BACH2: variants seen among roughly 807,000 people sequenced by gnomAD.
The protein encoded by BACH2 is transcription regulator protein BACH2.
A neutral mutation model predicts 61.8 loss-of-function variants in BACH2; 5 were observed. That is an observed-to-expected ratio of 0.08 (90% CI 0.04 to 0.17). BACH2 has a LOEUF of 0.17. Among genes scored for constraint, BACH2 ranks in the 10% least tolerant of loss-of-function variants. BACH2 has a pLI of 1.00. For synonymous variants in BACH2, 446 were observed against 440.1 expected (o/e 1.01, Z -0.17); for missense variants, 824 against 1,091.1 (o/e 0.76, Z 3.45).
chr6:90,027,665 T>C (rs1354184382), intron 5 of BACH2, among the ~76,000 whole-genome samples: 1 of 152,180 alleles, frequency 6.6e-6, no homozygotes, highest in Non-Finnish European at 1.5e-5. Flanking sequence ...CTTCCATCCT[T>C]AGATAGAGGG....
chr6:89,989,169 C>G (rs889948462), intron 6 of BACH2, among the ~76,000 whole-genome samples: 1 of 152,152 alleles, frequency 6.6e-6, no homozygotes, highest in Non-Finnish European at 1.5e-5. Flanking sequence ...ACTCTTTTCA[C>G]AAATATTTCA....
At chr6:90,164,796 G>C (rs1212069333) in intron 4 of BACH2, among the ~76,000 whole-genome samples, 2 of 152,166 alleles carry the variant, frequency 1.3e-5, no homozygotes, top group Non-Finnish European at 2.9e-5. Flanking sequence ...CATATAAACA[G>C]AGCCAAAGAC....
In BACH2 at chr6:89,950,950, T is replaced by A. The variant is rs1584520239; in HGVS notation, c.1156A>T (p.Thr386Ser). ...TGTCCATAATTCCCTGTGAAAGGGG[T>A]GTAGTCAGTTTTAAGGTCACCCTGA... ...ITQGDLKTDY[T>S]PFTGNYGQPH... The change falls in exon 7 of 9, where the codon ACC becomes TCC. Residue 386 changes from threonine (T) to serine (S), a missense_variant. Transcript: ENST00000257749. The surrounding 1 kb of genome is among the most constrained non-coding windows in gnomAD (Gnocchi z 5.3). 1.3e-6 allele frequency: 2 copies of A among 1,571,842 alleles called. No individual in the cohort carries two copies. Among genetic ancestry groups the A allele is most frequent in the African/African-American group, 2.7e-5 (2 of 73,778 alleles).
chr6:90,245,043 A>G (rs1770586640), intron 3 of BACH2, among the ~76,000 whole-genome samples: 1 of 152,040 alleles, frequency 6.6e-6, no homozygotes, highest in African/African-American at 2.4e-5. Flanking sequence ...AAAACACACA[A>G]AAAATTAGCC....
At chr6:90,234,057 C>T (rs1317214368) in intron 3 of BACH2, among the ~76,000 whole-genome samples, 4 of 152,166 alleles carry the variant, frequency 2.6e-5, no homozygotes, top group Admixed American at 1.3e-4. Context: ...AGAACACTCT[C>T]GGCCCCTTAT....
At chr6:90,193,348 G>A (rs1768642552) in intron 4 of BACH2, among the ~76,000 whole-genome samples, 1 of 152,080 alleles carries the variant, frequency 6.6e-6, no homozygotes, top group African/African-American at 2.4e-5. Flanking sequence ...TATAAAAAGG[G>A]AAAATTTGGA....
At position 90,121,216 on chromosome 6, in the gene BACH2, G is replaced by A. The variant is rs139188114; in HGVS notation, c.-161-32107C>T. Reference sequence around the variant, plus strand: ...CACATCAAAAGATTGGCAAATAACTGTTCATTTGCAACTTTAGGTTAAATA... The same window carrying A: ...CACATCAAAAGATTGGCAAATAACTATTCATTTGCAACTTTAGGTTAAATA... On this transcript the variant is annotated intron_variant, in intron 4 of 8. Transcript: ENST00000257749. 2.3e-3 allele frequency among the ~76,000 whole-genome samples: 355 copies of A among 152,280 alleles called. 1 individual carries two copies. Among genetic ancestry groups the A allele is most frequent in the Non-Finnish European group, 4.2e-3 (283 of 68,016 alleles).
chr6:90,055,557 T>C (rs564590604), intron 5 of BACH2, among the ~76,000 whole-genome samples: 4 of 151,886 alleles, frequency 2.6e-5, no homozygotes, highest in Admixed American at 2.6e-4. Flanking sequence ...CTGCAGGATA[T>C]TATCCAGGAG....
chr6:89,933,933 C>T (rs752945999), intron 8 of BACH2, among the ~76,000 whole-genome samples: 31 of 151,938 alleles, frequency 2.0e-4, no homozygotes, highest in South Asian at 4.2e-4. Flanking sequence ...CTGCAGTGAG[C>T]GAGATGGTGC....
chr6:90,022,605 C>T (rs564991621), intron 5 of BACH2, among the ~76,000 whole-genome samples: 4 of 152,168 alleles, frequency 2.6e-5, no homozygotes, highest in South Asian at 4.1e-4. Flanking sequence ...AACGAATGAA[C>T]GAATTTAACC....
At chr6:90,170,522 T>C (rs1252937832) in intron 4 of BACH2, among the ~76,000 whole-genome samples, 1 of 152,204 alleles carries the variant, frequency 6.6e-6, no homozygotes, top group Non-Finnish European at 1.5e-5. Context: ...AATGAGTGAC[T>C]GATTCTTAAA....
At chr6:90,108,018 C>T (rs1783000982) in intron 4 of BACH2, among the ~76,000 whole-genome samples, 1 of 152,136 alleles carries the variant, frequency 6.6e-6, no homozygotes, top group Non-Finnish European at 1.5e-5. Context: ...ATTTCTCCTA[C>T]TGAGAACTAT....
At chr6:90,151,716 T>TG (rs1478181415) in intron 4 of BACH2, among the ~76,000 whole-genome samples, 1 of 152,224 alleles carries the variant, frequency 6.6e-6, no homozygotes, top group Non-Finnish European at 1.5e-5. Context: ...GCAGACACAG[T>TG]GGACACCAAC....
chr6:90,140,467 T>C (rs1784425395), intron 4 of BACH2, among the ~76,000 whole-genome samples: 1 of 152,198 alleles, frequency 6.6e-6, no homozygotes, highest in Non-Finnish European at 1.5e-5. Flanking sequence ...TCCATTGAAT[T>C]GAAGGAAAAT....
intron 4 of BACH2, among the ~76,000 whole-genome samples, chr6:90,136,097 C>T (rs757456968): frequency 6.6e-6 from 1 of 152,238 alleles, no homozygotes; most frequent in Non-Finnish European, 1.5e-5. Context: ...ATCACCTAGC[C>T]ACCAGGGTTC....
intron 6 of BACH2, among the ~76,000 whole-genome samples, chr6:89,991,385 G>A (rs1776547594): frequency 6.6e-6 from 1 of 152,162 alleles, no homozygotes; most frequent in Non-Finnish European, 1.5e-5. Flanking sequence ...GGAGGAACTA[G>A]ACTGTGTTAA....
chr6:90,074,999 C>T (rs1781409228), intron 5 of BACH2, among the ~76,000 whole-genome samples: 3 of 152,068 alleles, frequency 2.0e-5, no homozygotes, highest in Non-Finnish European at 4.4e-5. Context: ...TTGTTAAATC[C>T]CTTTGACCAG....
chr6:90,098,293 C>T (rs1349167216), intron 4 of BACH2, among the ~76,000 whole-genome samples: 1 of 152,038 alleles, frequency 6.6e-6, no homozygotes, highest in African/African-American at 2.4e-5. Flanking sequence ...CAACCCCCAC[C>T]CTTCCCTTCT....
At chr6:89,987,580 G>A (rs534019142) in intron 6 of BACH2, among the ~76,000 whole-genome samples, 7 of 152,306 alleles carry the variant, frequency 4.6e-5, no homozygotes, top group Admixed American at 3.3e-4. Context: ...GCCAGAGGGT[G>A]TAAACGGGAT....
Sources: allele counts gnomAD v4.1 joint callset (sites outside exome capture counted in the v4.1 genomes callset), GRCh38; gene constraint gnomAD v4.1.1; non-coding constraint Gnocchi (gnomAD v3.1); transcripts MANE v1.5; gene names NCBI Gene and HGNC (gene_info 2026-07-23, HGNC 2026-07-21).